Variants in KIRREL3 observed in about 807,000 individuals in gnomAD.
KIRREL3 encodes the protein kirre like nephrin family adhesion molecule 3.
In KIRREL3, 36 loss-of-function variants were observed where a neutral mutation model predicts 89.7. The ratio of observed to expected loss-of-function variants is 0.40; its 90% confidence interval spans 0.31 to 0.53. KIRREL3 has a LOEUF of 0.53. Among genes scored for constraint, KIRREL3 ranks in the 20% least tolerant of loss-of-function variants. The pLI is 0.49. For missense variants in KIRREL3, 864 were observed against 1,056.6 expected, an observed-to-expected ratio of 0.82 and a Z score of 2.53; for synonymous variants, 445 against 441.4, an observed-to-expected ratio of 1.01 and a Z score of -0.10.
Position 126,508,658 on chromosome 11 carries a change from C to A in KIRREL3, c.433+12657G>T, listed in dbSNP as rs1958103927. On this transcript the variant is annotated intron_variant, in intron 4 of 16. Transcript: ENST00000525144. This position sits in a 1 kb window ranked among gnomAD's most constrained non-coding sequence, Gnocchi z 4.9. ...AGTGGAGTTTGGAAAAGAGGAGGGG[C>A]ATAATTGAGCATAAAGGGCCAGGGT... is the stretch of plus-strand genomic sequence containing the variant. Among the ~76,000 whole-genome samples, 1 of 152,038 alleles carries A rather than the reference C, an allele frequency of 6.6e-6. No individual in the cohort carries two copies. The highest frequency in any genetic ancestry group is 6.6e-5 in the Admixed American group (1 of 15,258).
intron 1 of KIRREL3, among the ~76,000 whole-genome samples, chr11:126,866,547 T>TCCA (rs1944926310): frequency 6.6e-6 from 1 of 151,950 alleles, no homozygotes; most frequent in Non-Finnish European, 1.5e-5. Flanking sequence ...GGCTCCACCC[T>TCCA]CTGGCCTGTG....
In KIRREL3 at chr11:126,985,328, G is replaced by A. The variant is rs1483280250; in HGVS notation, c.55+15127C>T. 6.6e-6 allele frequency among the ~76,000 whole-genome samples: 1 copy of A among 152,126 alleles called. No individual in the cohort carries two copies. The highest frequency in any genetic ancestry group is 2.4e-5 in the African/African-American group (1 of 41,414). On this transcript the variant is annotated intron_variant, in intron 1 of 16. Transcript: ENST00000525144. The surrounding 1 kb of genome is among the most constrained non-coding windows in gnomAD (Gnocchi z 5.3). ...TGCGCCCAAGTCCAACAAAGCCACTGCACGGTAGATGGAGGTGAGAAGGAC... is the reference window on the plus strand; with the variant it reads ...TGCGCCCAAGTCCAACAAAGCCACTACACGGTAGATGGAGGTGAGAAGGAC...
intron 2 of KIRREL3, among the ~76,000 whole-genome samples, chr11:126,554,631 A>T (rs540826686): frequency 6.6e-6 from 1 of 152,300 alleles, no homozygotes; most frequent in Non-Finnish European, 1.5e-5. Flanking sequence ...CTATGCAAAC[A>T]CTGTGTTGGG....
intron 1 of KIRREL3, among the ~76,000 whole-genome samples, chr11:126,827,411 C>A (rs1032137725): frequency 6.6e-6 from 1 of 152,122 alleles, no homozygotes; most frequent in Admixed American, 6.5e-5. Context: ...CTCCTGACCT[C>A]GTGATTCATC....
rs1946571761 is a variant in KIRREL3, at chr11:126,683,983, C to T, written c.56-121071G>A. 6.6e-6 allele frequency among the ~76,000 whole-genome samples: 1 copy of T among 152,212 alleles called. No homozygotes were observed. Among genetic ancestry groups the T allele is most frequent in the African/African-American group, 2.4e-5 (1 of 41,472 alleles). The stretch of plus-strand genomic sequence containing the variant: ...CCTTACAGGGTGGTGGGACCCAGGG[C>T]CCAGGGTTTGGCTCCGGGTTTTTGG... On this transcript the variant is annotated intron_variant, in intron 1 of 16. Coordinates refer to ENST00000525144, the MANE Select transcript of KIRREL3 (RefSeq NM_032531.4). The surrounding 1 kb of genome is among the most constrained non-coding windows in gnomAD (Gnocchi z 5.2).
intron 1 of KIRREL3, among the ~76,000 whole-genome samples, chr11:126,992,273 T>A (rs1476016747): frequency 6.6e-6 from 1 of 152,218 alleles, no homozygotes. Context: ...TTGGACGTCA[T>A]CTAGTCTACT....
chr11:126,824,915 G>C (rs762306631), intron 1 of KIRREL3, among the ~76,000 whole-genome samples: 6 of 152,142 alleles, frequency 3.9e-5, no homozygotes, highest in Non-Finnish European at 7.3e-5. Flanking sequence ...AGATCTTGAG[G>C]CCCACAAGGA....
rs80106917 is a variant in KIRREL3 at position 126,553,929 on chromosome 11, C to T, written c.133+8906G>A. The stretch of plus-strand genomic sequence containing the variant: ...CTTGTCTGATCAAAGTAGTAACCTT[C>T]GAAACAGGTTGGTGTCCATTCACAT... On this transcript the variant is annotated intron_variant, in intron 2 of 16. Coordinates refer to ENST00000525144, the MANE Select transcript of KIRREL3 (RefSeq NM_032531.4). The surrounding 1 kb of genome is among the most constrained non-coding windows in gnomAD (Gnocchi z 4.7). Among the ~76,000 whole-genome samples, 184 of 152,300 alleles carry T rather than the reference C, an allele frequency of 1.2e-3. 3 individuals carry two copies. The East Asian group carries it at 0.032, about 26-fold the overall frequency.
At chr11:126,759,106 A>G (rs1252966849) in intron 1 of KIRREL3, among the ~76,000 whole-genome samples, 1 of 152,170 alleles carries the variant, frequency 6.6e-6, no homozygotes, top group Non-Finnish European at 1.5e-5. Context: ...TAATGCTATA[A>G]TGTCTACTTT....
chr11:126,947,978 C>T (rs1431035451), intron 1 of KIRREL3, among the ~76,000 whole-genome samples: 1 of 152,150 alleles, frequency 6.6e-6, no homozygotes, highest in African/African-American at 2.4e-5. Flanking sequence ...TGTTGGGCTC[C>T]TTAGGCGTTA....
chr11:126,863,550 A>T (rs193197466), intron 1 of KIRREL3, among the ~76,000 whole-genome samples: 11 of 111,612 alleles, frequency 9.9e-5, no homozygotes, highest in Admixed American at 8.3e-4. Context: ...TGAGTGTGTG[A>T]GTGCATGTGT....
At chr11:126,765,721 G>T (rs954086028) in intron 1 of KIRREL3, among the ~76,000 whole-genome samples, 2 of 152,168 alleles carry the variant, frequency 1.3e-5, no homozygotes, top group African/African-American at 4.8e-5. Context: ...CCGCAACAAA[G>T]CTGACCTCAG....
chr11:126,771,604 T>C lies in KIRREL3; in HGVS notation c.56-208692A>G, dbSNP rs565642055. Among the ~76,000 whole-genome samples, 8 of 152,332 alleles carry C rather than the reference T, an allele frequency of 5.3e-5. No individual in the cohort carries two copies. Among genetic ancestry groups the C allele is most frequent in the Middle Eastern group, 3.4e-3 (1 of 292 alleles). On this transcript the variant is annotated intron_variant, in intron 1 of 16. Transcript: ENST00000525144. The surrounding 1 kb of genome is among the most constrained non-coding windows in gnomAD (Gnocchi z 4.4). ...GTTTTACCAGGGCAGGGAGACACTGTCTTTCACATTCAGTGCTGTATTACC... is the reference window on the plus strand; with the variant it reads ...GTTTTACCAGGGCAGGGAGACACTGCCTTTCACATTCAGTGCTGTATTACC...
intron 1 of KIRREL3, among the ~76,000 whole-genome samples, chr11:126,801,404 G>A (rs1951028567): frequency 6.6e-6 from 1 of 152,192 alleles, no homozygotes; most frequent in Non-Finnish European, 1.5e-5. Flanking sequence ...ATGGGGATGA[G>A]GTAGCCCCTG....
rs34639115 is a variant in KIRREL3 at position 126,471,371 on chromosome 11, A to AAAATAAATAAAT, written c.591+1926_591+1937dup. ...GGCAACAAGAGTGAAACTCTGTCTC[A>AAAATAAATAAAT]AAATAAATAAATAAATAAATAAAAT... On this transcript the variant is annotated intron_variant, in intron 5 of 16. Coordinates refer to ENST00000525144, the MANE Select transcript of KIRREL3 (RefSeq NM_032531.4). The surrounding 1 kb of genome is among the most constrained non-coding windows in gnomAD (Gnocchi z 5.4). Among the ~76,000 whole-genome samples, 2 of 146,248 alleles carry AAAATAAATAAAT rather than the reference A, an allele frequency of 1.4e-5. No individual in the cohort carries two copies. The highest frequency in any genetic ancestry group is 2.0e-4 in the East Asian group (1 of 4,970).
intron 1 of KIRREL3, among the ~76,000 whole-genome samples, chr11:126,926,642 A>C (rs1032865312): frequency 5.3e-5 from 8 of 152,140 alleles, no homozygotes; most frequent in Admixed American, 4.6e-4. Context: ...TGGAAGTGTG[A>C]TGGAAGCCAC....
At chr11:126,499,644 G>A (rs1368667324) in intron 4 of KIRREL3, among the ~76,000 whole-genome samples, 2 of 152,234 alleles carry the variant, frequency 1.3e-5, no homozygotes, top group African/African-American at 4.8e-5. Context: ...ACGTTAGGGA[G>A]TGGGGGCAGG....
rs926465275 is a variant in KIRREL3, at chr11:126,477,860, C to T, written c.434-4394G>A. Among the ~76,000 whole-genome samples, 1 of 152,188 alleles carries T rather than the reference C, an allele frequency of 6.6e-6. No homozygotes were observed. The highest frequency in any genetic ancestry group is 2.4e-5 in the African/African-American group (1 of 41,452). On this transcript the variant is annotated intron_variant, in intron 4 of 16. Coordinates refer to ENST00000525144, the MANE Select transcript of KIRREL3 (RefSeq NM_032531.4). The surrounding 1 kb of genome is among the most constrained non-coding windows in gnomAD (Gnocchi z 4.8). ...GACCAGCAGCACCACCCTCCTGCCC[C>T]CATACTGCATGGTGGAGAACCTCAT...
intron 1 of KIRREL3, among the ~76,000 whole-genome samples, chr11:126,691,987 C>T (rs988247790): frequency 6.6e-6 from 1 of 152,170 alleles, no homozygotes; most frequent in African/African-American, 2.4e-5. Context: ...ACACCCATTA[C>T]GATAGCCACT....
Sources: gnomAD v4.1 joint callset for allele counts (sites outside exome capture counted in the v4.1 genomes callset) on GRCh38, gnomAD v4.1.1 for gene constraint, Gnocchi (gnomAD v3.1) non-coding constraint, MANE v1.5 for transcripts, NCBI Gene and HGNC (gene_info 2026-07-23, HGNC 2026-07-21) for gene names.